Variants in PRKAB1 observed in about 807,000 individuals in gnomAD.
The protein encoded by PRKAB1 is protein kinase AMP-activated non-catalytic subunit beta 1.
PRKAB1 carries 18 observed loss-of-function variants against 32.0 expected under a neutral mutation model. The observed-to-expected ratio is 0.56, with a 90% CI of 0.39 to 0.83. The LOEUF is 0.83. PRKAB1 is among the 40% of genes least tolerant of loss of function. The pLI is 0.00. For synonymous variants in PRKAB1, 141 were observed against 141.4 expected, an observed-to-expected ratio of 1.00 and a Z score of 0.02; for missense variants, 263 against 352.6, an observed-to-expected ratio of 0.75 and a Z score of 2.03.
chr12:119,680,036 G>A, intron 6 of PRKAB1, 35 bp downstream of exon 6: 2 of 1,595,576 alleles, frequency 1.3e-6, no homozygotes, highest in Non-Finnish European at 1.7e-6. Context: ...GAGCTGTGTT[G>A]CCCAGTGTGT....
At chr12:119,668,974 G>A (rs1467897824) in intron 1 of PRKAB1, among the ~76,000 whole-genome samples, 3 of 151,454 alleles carry the variant, frequency 2.0e-5, no homozygotes, top group African/African-American at 7.3e-5. Context: ...CTAATTAGCC[G>A]GGCGTGGTGG....
chr12:119,676,977 A>ACATATTGGAACT lies in PRKAB1; in HGVS notation c.666+310_666+311insATTGGAACTCAT, dbSNP rs113281077. Among the ~76,000 whole-genome samples the ACATATTGGAACT allele has an allele frequency of 6.5e-3, 990 of 152,360 alleles. 5 individuals are homozygous for ACATATTGGAACT. The highest frequency in any genetic ancestry group is 0.022 in the African/African-American group (927 of 41,576). ...TATCACCATCTCTTCTTAGTAAGCT[A>ACATATTGGAACT]CATGCTCTGGCCCCCACATTTTAGA... On this transcript the variant is annotated intron_variant, in intron 5 of 6. Coordinates refer to ENST00000229328, the MANE Select transcript of PRKAB1 (RefSeq NM_006253.5).
intron 2 of PRKAB1, among the ~76,000 whole-genome samples, 190 bp downstream of exon 2, chr12:119,672,654 AAG>A (rs3999587): frequency 0.3 from 46,263 of 152,034 alleles, 7,381 homozygotes; most frequent in African/African-American, 0.35. Context: ...GTACAGAAGA[AAG>A]AGAATATTTC....
chr12:119,668,524 C>G (rs1449725176), intron 1 of PRKAB1, 121 bp downstream of exon 1: 2 of 1,344,816 alleles, frequency 1.5e-6, no homozygotes, highest in East Asian at 2.6e-5. Context: ...TGGTACATTA[C>G]CCGGTGCACT....
chr12:119,678,601 T>C (rs2136859919), intron 5 of PRKAB1: 1 of 152,384 alleles, frequency 6.6e-6, no homozygotes, highest in South Asian at 2.1e-4. Context: ...GGATTCCACA[T>C]AAGTGACATC....
chr12:119,671,532 C>A, intron 1 of PRKAB1: 1 of 402,546 alleles, frequency 2.5e-6, no homozygotes, highest in Non-Finnish European at 5.1e-6. Context: ...GGGGAAATGC[C>A]AGATGCTTAT....
chr12:119,674,148 A>G lies in PRKAB1; in HGVS notation c.417+91A>G. Reference sequence around the variant, plus strand: ...AGATTGCCGCTAGGTCCCTTTGCCCAGCTAGTAAAAGTCCCCGTGTGTGGC... The same window carrying G: ...AGATTGCCGCTAGGTCCCTTTGCCCGGCTAGTAAAAGTCCCCGTGTGTGGC... On this transcript the variant is annotated intron_variant, in intron 3 of 6. Transcript: ENST00000229328. The surrounding 1 kb of genome is among the most constrained non-coding windows in gnomAD (Gnocchi z 4.3). 1.6e-6 allele frequency: 2 copies of G among 1,254,814 alleles called. No individual in the cohort carries two copies. Among genetic ancestry groups the G allele is most frequent in the South Asian group, 2.7e-5 (2 of 75,386 alleles). 77.7% of individuals were successfully genotyped at this position (1,254,814 alleles called of 1,614,324 possible). A position where few individuals can be genotyped will look rare whatever the true frequency, so the allele number is the denominator to read the frequency against.
chr12:119,674,591 C>A lies in PRKAB1; in HGVS notation c.532+137C>A. ...ATTTATAGCCCCCACTTAAAGGCCA[C>A]AGAACTTAATTCCTGTCAGGTTGTT... On this transcript the variant is annotated intron_variant, in intron 4 of 6. Coordinates refer to ENST00000229328, the MANE Select transcript of PRKAB1 (RefSeq NM_006253.5). This position sits in a 1 kb window ranked among gnomAD's most constrained non-coding sequence, Gnocchi z 4.3. 1 of 592,610 alleles carries A rather than the reference C, an allele frequency of 1.7e-6. No homozygotes were observed. The highest frequency in any genetic ancestry group is 2.9e-6 in the Non-Finnish European group (1 of 346,120). The allele number at this position is 592,610 out of a possible 1,614,324, so 36.7% of individuals were successfully genotyped here. A position where few individuals can be genotyped will look rare whatever the true frequency, so the allele number is the denominator to read the frequency against.
chr12:119,671,466 C>T (rs538317265), intron 1 of PRKAB1: 26 of 417,364 alleles, frequency 6.2e-5, no homozygotes, highest in Non-Finnish European at 3.4e-5. Flanking sequence ...AGGAAACTTA[C>T]AATCATGGTA....
intron 4 of PRKAB1, among the ~76,000 whole-genome samples, chr12:119,675,777 G>T (rs561969257): frequency 6.6e-6 from 1 of 152,320 alleles, no homozygotes; most frequent in Non-Finnish European, 1.5e-5. Flanking sequence ...GAGGGAATTG[G>T]CAGAGCTGGG....
At position 119,674,447 on chromosome 12, in the gene PRKAB1, T is replaced by A; in HGVS notation, c.525T>A (p.Asp175Glu). 1 of 1,609,300 alleles carries A rather than the reference T, an allele frequency of 6.2e-7. No homozygotes were observed. Among genetic ancestry groups the A allele is most frequent in the Non-Finnish European group, 8.5e-7 (1 of 1,175,572 alleles). The change falls in exon 4 of 7, where the codon GAT (aspartate) becomes GAA (glutamate). Residue 175 changes from aspartate (D) to glutamate (E), a missense_variant. Asp to Glu is a conservative substitution (Grantham distance 45). Coordinates refer to ENST00000229328, the MANE Select transcript of PRKAB1 (RefSeq NM_006253.5). This position sits in a 1 kb window ranked among gnomAD's most constrained non-coding sequence, Gnocchi z 4.3. Reference protein sequence around the residue: ...ALMVDSQKCSDVSELSSSPPG... With the variant: ...ALMVDSQKCSEVSELSSSPPG... The stretch of plus-strand genomic sequence containing the variant: ...TGGTGGATTCCCAAAAGTGCTCCGA[T>A]GTGTCTGGTATGAACACAGTTATTT...
rs1021020896 is a variant in PRKAB1, at chr12:119,674,072, A to G, written c.417+15A>G. ...ACCCTTCCGAGGTACTCTTCCTCCC[A>G]CCTCTGGTCCTCTGGGTGCCCGCAC... is the stretch of plus-strand genomic sequence containing the variant. On this transcript the variant is annotated intron_variant, in intron 3 of 6. Transcript: ENST00000229328. This position sits in a 1 kb window ranked among gnomAD's most constrained non-coding sequence, Gnocchi z 4.3. The G allele has an allele frequency of 1.2e-6, 2 of 1,609,190 alleles. No homozygotes were observed. Among genetic ancestry groups the G allele is most frequent in the Non-Finnish European group, 1.7e-6 (2 of 1,176,726 alleles).
chr12:119,668,074 C>T (rs945808882), upstream of PRKAB1: 11 of 803,506 alleles, frequency 1.4e-5, no homozygotes, highest in Admixed American at 1.2e-4. Flanking sequence ...AGCTCGGCAA[C>T]CCTGCCGACT....
chr12:119,674,503 C>A lies in PRKAB1; in HGVS notation c.532+49C>A. 5 of 1,346,148 alleles carry A rather than the reference C, an allele frequency of 3.7e-6. No individual in the cohort carries two copies. Among genetic ancestry groups the A allele is most frequent in the African/African-American group, 1.4e-5 (1 of 69,416 alleles). 83.4% of individuals were successfully genotyped at this position (1,346,148 alleles called of 1,614,324 possible). A position where few individuals can be genotyped will look rare whatever the true frequency, so the allele number is the denominator to read the frequency against. On this transcript the variant is annotated intron_variant, in intron 4 of 6. Transcript: ENST00000229328. The surrounding 1 kb of genome is among the most constrained non-coding windows in gnomAD (Gnocchi z 4.3). The stretch of plus-strand genomic sequence containing the variant: ...CACATGCGTGCAGGTGGGGGCTGTA[C>A]AGTCTAGACATACTCTTGTTTCTCT...
At position 119,674,236 on chromosome 12, in the gene PRKAB1, G is replaced by T. The variant is rs1168159608; in HGVS notation, c.418-104G>T. On this transcript the variant is annotated intron_variant, in intron 3 of 6. Coordinates refer to ENST00000229328, the MANE Select transcript of PRKAB1 (RefSeq NM_006253.5). This position sits in a 1 kb window ranked among gnomAD's most constrained non-coding sequence, Gnocchi z 4.3. The stretch of plus-strand genomic sequence containing the variant: ...ATACTTGACCAAGATGAGCAGGGTG[G>T]CTAGCCAGGAGATGAGGCCTTCCAG... 13 of 1,074,464 alleles carry T rather than the reference G, an allele frequency of 1.2e-5. No individual in the cohort carries two copies. The highest frequency in any genetic ancestry group is 1.8e-5 in the Non-Finnish European group (13 of 721,490). 66.6% of individuals were successfully genotyped at this position (1,074,464 alleles called of 1,614,324 possible). A position where few individuals can be genotyped will look rare whatever the true frequency, so the allele number is the denominator to read the frequency against.
At chr12:119,675,897 A>G (rs1955420813) in intron 4 of PRKAB1, among the ~76,000 whole-genome samples, 1 of 152,214 alleles carries the variant, frequency 6.6e-6, no homozygotes, top group South Asian at 2.1e-4. Flanking sequence ...GTCACTATCC[A>G]GTGTTCTAGC....
Position 119,679,871 on chromosome 12 carries a change from TA to T in PRKAB1, c.667-59del. The T allele has an allele frequency of 6.5e-7, 1 of 1,545,058 alleles. No individual in the cohort carries two copies. The highest frequency in any genetic ancestry group is 8.9e-7 in the Non-Finnish European group (1 of 1,117,542). Reference sequence around the variant, plus strand: ...TCCTTTGATATCTGGCACTGGGAAGTAAAGGGGAGAATCTTGGTTTCCAAAT... The same window carrying T: ...TCCTTTGATATCTGGCACTGGGAAGTAAGGGGAGAATCTTGGTTTCCAAAT... On this transcript the variant is annotated intron_variant, in intron 5 of 6. Coordinates refer to ENST00000229328, the MANE Select transcript of PRKAB1 (RefSeq NM_006253.5). This position sits in a 1 kb window ranked among gnomAD's most constrained non-coding sequence, Gnocchi z 4.1.
At chr12:119,669,800 C>G (rs1233096635) in intron 1 of PRKAB1, 1 of 152,272 alleles carries the variant, frequency 6.6e-6, no homozygotes, top group Non-Finnish European at 1.5e-5. Flanking sequence ...GTCTTGAACT[C>G]CTGACCTCAA....
Position 119,674,012 on chromosome 12 carries a change from G to A in PRKAB1, c.372G>A (p.Gln124=). 2 of 1,614,112 alleles carry A rather than the reference G, an allele frequency of 1.2e-6. No individual in the cohort carries two copies. The highest frequency in any genetic ancestry group is 1.7e-6 in the Non-Finnish European group (2 of 1,180,008). Reference sequence around the variant, plus strand: ...TGGATCTGCCGGAAGGAGAGCATCAGTACAAGTTCTTTGTGGATGGTCAGT... The same window carrying A: ...TGGATCTGCCGGAAGGAGAGCATCAATACAAGTTCTTTGTGGATGGTCAGT... The part of the protein sequence containing the change: ...AILDLPEGEH[Q]YKFFVDGQWT... Residue 124 remains glutamine (Q), a synonymous_variant, in exon 3 of 7, where the codon CAG becomes CAA. Transcript: ENST00000229328. This position sits in a 1 kb window ranked among gnomAD's most constrained non-coding sequence, Gnocchi z 4.3.
Sources: allele counts gnomAD v4.1 joint callset (sites outside exome capture counted in the v4.1 genomes callset), GRCh38; gene constraint gnomAD v4.1.1; non-coding constraint Gnocchi (gnomAD v3.1); transcripts MANE v1.5; gene names NCBI Gene and HGNC (gene_info 2026-07-23, HGNC 2026-07-21).